Variants in SNX30 observed in about 807,000 individuals in gnomAD.
SNX30 encodes the protein sorting nexin-30.
SNX30 carries 24 observed loss-of-function variants against 46.4 expected under a neutral mutation model. The observed-to-expected ratio is 0.52, with a 90% CI of 0.37 to 0.73. SNX30 has a LOEUF of 0.73. Among genes scored for constraint, SNX30 ranks in the 30% least tolerant of loss-of-function variants. The pLI, the probability that SNX30 is intolerant of heterozygous loss-of-function variation, is 0.00. For missense variants in SNX30, 533 were observed against 555.7 expected, an observed-to-expected ratio of 0.96 and a Z score of 0.41; for synonymous variants, 189 against 211.5, an observed-to-expected ratio of 0.89 and a Z score of 0.92.
chr9:112,861,042 T>C (rs1320575705), intron 7 of SNX30, among the ~76,000 whole-genome samples: 1 of 151,954 alleles, frequency 6.6e-6, no homozygotes, highest in Non-Finnish European at 1.5e-5. Flanking sequence ...ATTGCAAGAG[T>C]GCAACAGGCA....
rs16917379 is a variant in SNX30 at position 112,825,691 on chromosome 9, C to A, written c.460-5034C>A. ...TTTTGCTTTTTGTTCTCGGTGCTTA[C>A]AAATTAATAAAAATACTTGGCATTT... On this transcript the variant is annotated intron_variant, in intron 3 of 8. Coordinates refer to ENST00000374232, the MANE Select transcript of SNX30 (RefSeq NM_001012994.2). Among the ~76,000 whole-genome samples the A allele has an allele frequency of 8.4e-3, 1,277 of 152,192 alleles. 54 individuals carry two copies. Among genetic ancestry groups the A allele is most frequent in the Admixed American group, 0.055 (833 of 15,274 alleles).
rs116529561 is a variant in SNX30, at chr9:112,870,438, G to T, written c.*1595G>T. 1 of 152,208 alleles carries T rather than the reference G, an allele frequency of 6.6e-6. No individual in the cohort carries two copies. The highest frequency in any genetic ancestry group is 2.4e-5 in the African/African-American group (1 of 41,438). 9.4% of individuals were successfully genotyped at this position (152,208 alleles called of 1,614,324 possible). A position where few individuals can be genotyped will look rare whatever the true frequency, so the allele number is the denominator to read the frequency against. Reference sequence around the variant, plus strand: ...CCAAGGCTGTGGTGCTGTTGATGCCGCAGTTGGACAGCATAGGACGGCTTG... The same window carrying T: ...CCAAGGCTGTGGTGCTGTTGATGCCTCAGTTGGACAGCATAGGACGGCTTG... On this transcript the variant is annotated 3_prime_UTR_variant, in exon 9 of 9. Transcript: ENST00000374232.
At chr9:112,779,294 G>A (rs566593313) in intron 1 of SNX30, among the ~76,000 whole-genome samples, 12 of 152,336 alleles carry the variant, frequency 7.9e-5, no homozygotes, top group African/African-American at 2.9e-4. Flanking sequence ...TAGCTTCACT[G>A]TGGTGAGCTT....
chr9:112,837,887 C>CTTTTTTTTTTTTTTTTTTTTTTTTT (rs10713538), intron 5 of SNX30, among the ~76,000 whole-genome samples: 1 of 71,176 alleles, frequency 1.4e-5, no homozygotes, highest in African/African-American at 6.3e-5. Flanking sequence ...TGGTTCTTTT[C>CTTTTTTTTTTTTTTTTTTTTTTTTT]TTTTTTTTTT....
chr9:112,861,077 C>T (rs984543393), intron 7 of SNX30, among the ~76,000 whole-genome samples: 1 of 152,176 alleles, frequency 6.6e-6, no homozygotes, highest in Non-Finnish European at 1.5e-5. Context: ...GAGCTGACTG[C>T]CCAGAAACAA....
chr9:112,754,761 T>A (rs1734383761), intron 1 of SNX30, among the ~76,000 whole-genome samples: 1 of 152,182 alleles, frequency 6.6e-6, no homozygotes, highest in African/African-American at 2.4e-5. Flanking sequence ...TCTCCTTTTT[T>A]AACTTTCATC....
intron 5 of SNX30, among the ~76,000 whole-genome samples, chr9:112,836,931 T>C (rs1840763938): frequency 1.3e-5 from 2 of 152,174 alleles, no homozygotes; most frequent in Non-Finnish European, 2.9e-5. Flanking sequence ...TATTGATCCT[T>C]CCTCGTTTTT....
chr9:112,836,133 G>A (rs1404656357), intron 4 of SNX30, 81 bp from the exon 5 acceptor site: 2 of 1,325,542 alleles, frequency 1.5e-6, no homozygotes, highest in Non-Finnish European at 2.1e-6. Flanking sequence ...CCAAACTGAA[G>A]CTGCTTTTAG....
At chr9:112,807,259 T>C (rs957725219) in intron 2 of SNX30, among the ~76,000 whole-genome samples, 1 of 151,960 alleles carries the variant, frequency 6.6e-6, no homozygotes, top group Non-Finnish European at 1.5e-5. Context: ...AGAGATGAGG[T>C]TTTACTATGT....
Position 112,752,475 on chromosome 9 carries a change from T to A in SNX30, c.156+1318T>A, listed in dbSNP as rs144779677. Among the ~76,000 whole-genome samples the A allele has an allele frequency of 4.1e-3, 630 of 152,106 alleles. 4 individuals carry two copies. The highest frequency in any genetic ancestry group is 0.014 in the Middle Eastern group (4 of 294). On this transcript the variant is annotated intron_variant, in intron 1 of 8. Transcript: ENST00000374232. ...CACATACGCACACAGCATGGTGGCA[T>A]GCACCTGTAATCCAGGCTACTCAGG... is the stretch of plus-strand genomic sequence containing the variant.
chr9:112,810,041 C>T (rs749716717), intron 2 of SNX30, among the ~76,000 whole-genome samples: 6 of 151,974 alleles, frequency 3.9e-5, no homozygotes, highest in Non-Finnish European at 8.8e-5. Context: ...GTACTTTTTC[C>T]ATTGTTTGTG....
chr9:112,762,183 C>T (rs930383193), intron 1 of SNX30, among the ~76,000 whole-genome samples: 4 of 151,976 alleles, frequency 2.6e-5, no homozygotes, highest in Admixed American at 1.3e-4. Flanking sequence ...TTCATTTTGG[C>T]AGCCAGCGCA....
Position 112,870,657 on chromosome 9 carries a change from A to C in SNX30, c.*1814A>C, listed in dbSNP as rs1368888601. 3 of 152,228 alleles carry C rather than the reference A, an allele frequency of 2.0e-5. No individual in the cohort carries two copies. Among genetic ancestry groups the C allele is most frequent in the Non-Finnish European group, 4.4e-5 (3 of 68,058 alleles). The allele number at this position is 152,228 out of a possible 1,614,324, so 9.4% of individuals were successfully genotyped here. A position where few individuals can be genotyped will look rare whatever the true frequency, so the allele number is the denominator to read the frequency against. ...AACCCATGTACCCCCGAGTGATTGCATGCTTTATTCTACCTCTAAGCCATC... is the reference window on the plus strand; with the variant it reads ...AACCCATGTACCCCCGAGTGATTGCCTGCTTTATTCTACCTCTAAGCCATC... On this transcript the variant is annotated 3_prime_UTR_variant, in exon 9 of 9. Transcript: ENST00000374232.
chr9:112,774,043 G>A (rs1839697781), intron 1 of SNX30, among the ~76,000 whole-genome samples: 1 of 152,186 alleles, frequency 6.6e-6, no homozygotes, highest in South Asian at 2.1e-4. Flanking sequence ...CTCTCCCAGA[G>A]GAAATGGATG....
intron 1 of SNX30, among the ~76,000 whole-genome samples, chr9:112,790,898 A>G (rs1367965390): frequency 6.6e-6 from 1 of 152,224 alleles, no homozygotes; most frequent in African/African-American, 2.4e-5. Flanking sequence ...TATGAGTTCA[A>G]GTATTCTTCT....
Position 112,797,709 on chromosome 9 carries a change from TTC to T in SNX30, c.157-7065_157-7064del, listed in dbSNP as rs1217105793. ...GCTCTCTCTTCTTTTCTTTTTCTTTTTCTTTTTTTTTTTTTTTTGAGATGGAG... is the reference window on the plus strand; with the variant it reads ...GCTCTCTCTTCTTTTCTTTTTCTTTTTTTTTTTTTTTTTTTTGAGATGGAG... On this transcript the variant is annotated intron_variant, in intron 1 of 8. Coordinates refer to ENST00000374232, the MANE Select transcript of SNX30 (RefSeq NM_001012994.2). Among the ~76,000 whole-genome samples, 266 of 62,284 alleles carry T rather than the reference TTC, an allele frequency of 4.3e-3. 1 individual carries two copies. Among genetic ancestry groups the T allele is most frequent in the African/African-American group, 0.013 (259 of 19,502 alleles). The allele number at this position is 62,284 out of a possible 152,430, so 40.9% of individuals were successfully genotyped here.
intron 3 of SNX30, among the ~76,000 whole-genome samples, chr9:112,829,893 T>C (rs995915643): frequency 6.6e-6 from 1 of 152,238 alleles, no homozygotes; most frequent in Non-Finnish European, 1.5e-5. Flanking sequence ...ATATCTTCTT[T>C]AGAGAAATAT....
chr9:112,765,618 C>G (rs1237928467), intron 1 of SNX30, among the ~76,000 whole-genome samples: 1 of 152,130 alleles, frequency 6.6e-6, no homozygotes, highest in Non-Finnish European at 1.5e-5. Context: ...TTGTATGTAT[C>G]AGTACTTCAT....
chr9:112,845,317 G>T (rs1403074023), intron 6 of SNX30, among the ~76,000 whole-genome samples: 1 of 152,158 alleles, frequency 6.6e-6, no homozygotes, highest in Non-Finnish European at 1.5e-5. Flanking sequence ...ACCGACTGTG[G>T]GGGAAAAAAC....
Sources: allele counts gnomAD v4.1 joint callset (sites outside exome capture counted in the v4.1 genomes callset), GRCh38; gene constraint gnomAD v4.1.1; transcripts MANE v1.5; gene names NCBI Gene and HGNC (gene_info 2026-07-23, HGNC 2026-07-21).